MYH16: variants seen among roughly 807,000 people sequenced by gnomAD.
The protein encoded by MYH16 is myosin heavy chain 16, also known as putative uncharacterized protein MYH16.
At chr7:99,244,063 G>A (rs1050579080) in intron 2 of MYH16, among the ~76,000 whole-genome samples, 2 of 146,528 alleles carry the variant, frequency 1.4e-5, no homozygotes, top group African/African-American at 2.5e-5. Flanking sequence ...ACATATATAC[G>A]TCCAAACATC....
Position 99,287,456 on chromosome 7 carries a change from C to T in MYH16, n.3461-436C>T, listed in dbSNP as rs191431523. 1.5e-4 allele frequency among the ~76,000 whole-genome samples: 22 copies of T among 150,730 alleles called. No homozygotes were observed. In the East Asian group the frequency reaches 3.7e-3, roughly 26 times the overall value. On this transcript the variant is annotated intron_variant and non_coding_transcript_variant, in intron 28 of 41. Coordinates refer to ENST00000439784, the Ensembl canonical transcript of MYH16. ...GGCTGAGGCAGGAGAATCACCTGAA[C>T]CCAGGAGGCGGAGGTTGCAGTGAGC... is the stretch of plus-strand genomic sequence containing the variant.
chr7:99,291,685 A>G (rs1792382090), intron 31 of MYH16, among the ~76,000 whole-genome samples: 1 of 140,614 alleles, frequency 7.1e-6, no homozygotes, highest in African/African-American at 2.6e-5. Context: ...GCTGCTGGGC[A>G]TGGTGGCTCA....
chr7:99,252,601 C>T (rs1791823345), intron 6 of MYH16: 1 of 152,218 alleles, frequency 6.6e-6, no homozygotes, highest in Non-Finnish European at 1.5e-5. Context: ...GACTTCTCTC[C>T]CCTACAAATG....
At chr7:99,296,839 A>G in exon 34 of MYH16, 1 of 457,312 alleles carries the variant, frequency 2.2e-6, no homozygotes, top group Admixed American at 2.3e-5. Flanking sequence ...CATGACAGAG[A>G]GCTTCAAGAT....
rs181394990 is a variant in MYH16, at chr7:99,280,026, C to T, written n.2887+289C>T. On this transcript the variant is annotated intron_variant and non_coding_transcript_variant, in intron 22 of 41. Transcript: ENST00000439784. Reference sequence around the variant, plus strand: ...AGCTGGGACTACACGTGTGGCACCACCACACCCGGCTAATTTTTGTATTTT... The same window carrying T: ...AGCTGGGACTACACGTGTGGCACCATCACACCCGGCTAATTTTTGTATTTT... Among the ~76,000 whole-genome samples the T allele has an allele frequency of 4.6e-3, 695 of 152,270 alleles. 2 individuals are homozygous for T. Among genetic ancestry groups the T allele is most frequent in the Admixed American group, 6.7e-3 (103 of 15,302 alleles).
At chr7:99,243,925 G>A (rs1244542532) in intron 2 of MYH16, among the ~76,000 whole-genome samples, 6 of 138,996 alleles carry the variant, frequency 4.3e-5, no homozygotes, top group Non-Finnish European at 9.3e-5. Context: ...ATCCATCCAA[G>A]TATCTATCCA....
At chr7:99,243,201 AG>A (rs987153271) in intron 1 of MYH16, 3 of 152,670 alleles carry the variant, frequency 2.0e-5, no homozygotes, top group African/African-American at 7.2e-5. Context: ...GGGACTCCAG[AG>A]GGTATGTGGT....
chr7:99,239,275 T>TA (rs1791634764), intron 1 of MYH16, among the ~76,000 whole-genome samples: 1 of 152,258 alleles, frequency 6.6e-6, no homozygotes, highest in African/African-American at 2.4e-5. Flanking sequence ...AAGCACTTCA[T>TA]AGACTCTAAG....
downstream of MYH16, among the ~76,000 whole-genome samples, chr7:99,308,798 G>A (rs370189627): frequency 5.9e-5 from 9 of 152,136 alleles, no homozygotes; most frequent in Admixed American, 5.2e-4. Context: ...AGAAAGAAAA[G>A]GCAACTGAAA....
chr7:99,294,976 C>A (rs1377399141), intron 33 of MYH16, among the ~76,000 whole-genome samples: 1 of 152,132 alleles, frequency 6.6e-6, no homozygotes, highest in Non-Finnish European at 1.5e-5. Context: ...GGGTTCAAGG[C>A]TGCAGTGAGC....
chr7:99,287,864 C>T, intron 28 of MYH16, 28 bp from the exon 10 acceptor site: 1 of 451,138 alleles, frequency 2.2e-6, no homozygotes, highest in Non-Finnish European at 4.5e-6. Flanking sequence ...CTGGCCAGTT[C>T]TGCTAAGCTG....
At chr7:99,308,927 AC>A (rs1792719284), downstream of MYH16, among the ~76,000 whole-genome samples, 1 of 152,158 alleles carries the variant, frequency 6.6e-6, no homozygotes, top group Non-Finnish European at 1.5e-5. Context: ...CCCTATCTCT[AC>A]AAAAAAATGT....
At chr7:99,282,186 C>T (rs1380910982) in intron 23 of MYH16, among the ~76,000 whole-genome samples, 1 of 128,250 alleles carries the variant, frequency 7.8e-6, no homozygotes, top group Non-Finnish European at 1.5e-5. Context: ...CCACACCCAG[C>T]TAATTTTTTT....
intron 12 of MYH16, chr7:99,260,389 C>G (rs1791926113): frequency 8.0e-6 from 6 of 749,550 alleles, no homozygotes; most frequent in Non-Finnish European, 1.1e-5. Context: ...AGGGATGTCA[C>G]TGGCACATGC....
chr7:99,283,576 C>A (rs17161650), exon 24 of MYH16: 1 of 456,194 alleles, frequency 2.2e-6, no homozygotes. Context: ...AAACCCTGGA[C>A]GACCTACAGG....
rs1584351978 is a variant in MYH16 at position 99,283,472 on chromosome 7, G to A, written n.2993-93G>A. On this transcript the variant is annotated intron_variant and non_coding_transcript_variant, in intron 23 of 41. Transcript: ENST00000439784. Reference sequence around the variant, plus strand: ...CAACTGAACTCCCCAAAGCCTGGGAGCTGCATAGCTCAGAAGCGACGACTG... The same window carrying A: ...CAACTGAACTCCCCAAAGCCTGGGAACTGCATAGCTCAGAAGCGACGACTG... 8 of 431,832 alleles carry A rather than the reference G, an allele frequency of 1.9e-5. No individual in the cohort carries two copies. In the East Asian group the frequency reaches 4.9e-4, roughly 27 times the overall value. The allele number at this position is 431,832 out of a possible 1,614,324, so 26.8% of individuals were successfully genotyped here. A position where few individuals can be genotyped will look rare whatever the true frequency, so the allele number is the denominator to read the frequency against.
intron 18 of MYH16, among the ~76,000 whole-genome samples, chr7:99,267,672 C>T (rs1377500321): frequency 6.6e-6 from 1 of 152,224 alleles, no homozygotes; most frequent in Non-Finnish European, 1.5e-5. Flanking sequence ...ATGGGACTGA[C>T]TCAGACAGAG....
chr7:99,308,498 A>G (rs751949513), downstream of MYH16, among the ~76,000 whole-genome samples: 13 of 151,982 alleles, frequency 8.6e-5, no homozygotes, highest in Non-Finnish European at 1.6e-4. Context: ...TTTCCCATGG[A>G]CAGAAGCAAA....
chr7:99,279,460 G>A (rs1226366900), intron 21 of MYH16, 50 bp from the exon 4 acceptor site: 4 of 450,526 alleles, frequency 8.9e-6, no homozygotes, highest in African/African-American at 6.0e-5. Flanking sequence ...GCGTCTTGGT[G>A]TGGTCTTTGC....
Sources: gnomAD v4.1 joint callset for allele counts (sites outside exome capture counted in the v4.1 genomes callset) on GRCh38, gnomAD v4.1.1 for gene constraint, MANE v1.5 for transcripts, NCBI Gene and HGNC (gene_info 2026-07-23, HGNC 2026-07-21) for gene names.